RIMS1: variants seen among roughly 807,000 people sequenced by gnomAD.
The protein encoded by RIMS1 is regulating synaptic membrane exocytosis protein 1.
In RIMS1, 83 loss-of-function variants were observed where a neutral mutation model predicts 214.1. That is an observed-to-expected ratio of 0.39 (90% CI 0.32 to 0.47). RIMS1 has a LOEUF of 0.47. Ranked by LOEUF, RIMS1 falls within the 20% of genes least tolerant of loss-of-function variation. The pLI, the probability that RIMS1 is intolerant of heterozygous loss-of-function variation, is 0.99. For synonymous variants in RIMS1, 793 were observed against 786.8 expected (o/e 1.01, Z -0.13); for missense variants, 2,050 against 2,161.8 (o/e 0.95, Z 1.03).
At chr6:72,113,628 T>A (rs896108360) in intron 4 of RIMS1, among the ~76,000 whole-genome samples, 1 of 151,922 alleles carries the variant, frequency 6.6e-6, no homozygotes, top group African/African-American at 2.4e-5. Context: ...TAAAAATCAC[T>A]TTTTTAGTAA....
chr6:71,979,704 A>G (rs956118002), intron 2 of RIMS1, among the ~76,000 whole-genome samples: 4 of 152,112 alleles, frequency 2.6e-5, no homozygotes, highest in Admixed American at 2.0e-4. Flanking sequence ...GTAAAAATGC[A>G]TAGAATCACT....
At chr6:72,056,187 C>T (rs1285693162) in intron 2 of RIMS1, among the ~76,000 whole-genome samples, 1 of 152,058 alleles carries the variant, frequency 6.6e-6, no homozygotes, top group Non-Finnish European at 1.5e-5. Context: ...CATATTTTCT[C>T]CCTTACAAGT....
intron 2 of RIMS1, among the ~76,000 whole-genome samples, chr6:71,980,842 T>G (rs1006949292): frequency 2.6e-5 from 4 of 152,048 alleles, no homozygotes; most frequent in Non-Finnish European, 5.9e-5. Flanking sequence ...GATGTAGTTA[T>G]GAAAGGGACA....
In RIMS1 at chr6:72,096,945, C is replaced by T. The variant is rs1174463082; in HGVS notation, c.246-4C>T. 6.2e-7 allele frequency: 1 copy of T among 1,611,096 alleles called. No individual in the cohort carries two copies. Among genetic ancestry groups the T allele is most frequent in the Non-Finnish European group, 8.5e-7 (1 of 1,178,144 alleles). On this transcript the variant is annotated splice_polypyrimidine_tract_variant and splice_region_variant and intron_variant, in intron 2 of 33. Transcript: ENST00000521978. The stretch of plus-strand genomic sequence containing the variant: ...AGTTTGCTACCATTTTCTCTTTTGC[C>T]TAGGAGATTGCATCAACAGTTTGAA...
At chr6:72,044,206 C>G (rs1459543552) in intron 2 of RIMS1, among the ~76,000 whole-genome samples, 1 of 151,536 alleles carries the variant, frequency 6.6e-6, no homozygotes, top group Admixed American at 6.6e-5. Context: ...AAAATTAGAC[C>G]TTTACCTCAC....
intron 4 of RIMS1, among the ~76,000 whole-genome samples, chr6:72,120,908 G>A (rs1430810198): frequency 6.6e-6 from 1 of 151,832 alleles, no homozygotes; most frequent in Admixed American, 6.6e-5. Context: ...ATTAAATAGG[G>A]AATCGTTTCC....
rs2048175274 is a variant in RIMS1 at position 72,179,700 on chromosome 6, T to G, written c.597T>G (p.Gly199=). The G allele has an allele frequency of 8.7e-6, 14 of 1,613,800 alleles. No individual in the cohort carries two copies. The highest frequency in any genetic ancestry group is 1.1e-5 in the Non-Finnish European group (13 of 1,179,876). ...QDGTLSDTAT[G]AGSEVPREKK... is the part of the protein sequence containing the mutation. ...GAACCCTGAGTGATACAGCTACAGGTGCTGGCTCTGAGGTACCAAGAGAAA... is the reference window on the plus strand; with the variant it reads ...GAACCCTGAGTGATACAGCTACAGGGGCTGGCTCTGAGGTACCAAGAGAAA... The change falls in exon 5 of 34, where the codon GGT becomes GGG. Residue 199 remains glycine (G), a synonymous_variant. Transcript: ENST00000521978.
At chr6:72,214,778 A>G (rs990080834) in intron 6 of RIMS1, among the ~76,000 whole-genome samples, 1 of 151,674 alleles carries the variant, frequency 6.6e-6, no homozygotes, top group Non-Finnish European at 1.5e-5. Flanking sequence ...CTGGCGTGCA[A>G]TGGTGCGATC....
chr6:72,352,814 C>T (rs1431607503), intron 29 of RIMS1, among the ~76,000 whole-genome samples: 1 of 151,992 alleles, frequency 6.6e-6, no homozygotes, highest in East Asian at 1.9e-4. Context: ...ATGGCCAAGC[C>T]TAGATGCTGG....
chr6:72,038,103 AAAAAAAAAAAAAAAAATATAT>A (rs1420783189), intron 2 of RIMS1, among the ~76,000 whole-genome samples: 7 of 80,072 alleles, frequency 8.7e-5, no homozygotes, highest in African/African-American at 4.2e-4. Context: ...AAAAAAAAAA[AAAAAAAAAAAAAAAAATATAT>A]ATATATATAT....
chr6:72,191,705 C>T lies in RIMS1; in HGVS notation c.1678+8556C>T, dbSNP rs182726990. On this transcript the variant is annotated intron_variant, in intron 6 of 33. Coordinates refer to ENST00000521978, the MANE Select transcript of RIMS1 (RefSeq NM_014989.7). Reference sequence around the variant, plus strand: ...ATTTGCCAAATCAGTGGCCGCATACCAAGTACCAGGAGATGTGTTAATTTG... The same window carrying T: ...ATTTGCCAAATCAGTGGCCGCATACTAAGTACCAGGAGATGTGTTAATTTG... Among the ~76,000 whole-genome samples, 377 of 152,328 alleles carry T rather than the reference C, an allele frequency of 2.5e-3. 1 individual carries two copies. The highest frequency in any genetic ancestry group is 0.02 in the Middle Eastern group (6 of 294).
intron 29 of RIMS1, among the ~76,000 whole-genome samples, chr6:72,377,485 G>C (rs1013008945): frequency 1.3e-5 from 2 of 152,036 alleles, no homozygotes; most frequent in African/African-American, 4.8e-5. Context: ...GCCCCCTCTT[G>C]GTCTATGGGA....
At chr6:71,925,703 T>G (rs542493268) in intron 1 of RIMS1, among the ~76,000 whole-genome samples, 1 of 152,340 alleles carries the variant, frequency 6.6e-6, no homozygotes, top group African/African-American at 2.4e-5. Flanking sequence ...GCTGTTTAAG[T>G]TAGTGACTGG....
Position 72,114,710 on chromosome 6 carries a change from T to C in RIMS1, c.471+14724T>C, listed in dbSNP as rs192780945. On this transcript the variant is annotated intron_variant, in intron 4 of 33. Coordinates refer to ENST00000521978, the MANE Select transcript of RIMS1 (RefSeq NM_014989.7). ...ATGGTACTTCTCTGTACCTTTTTTT[T>C]CCTTAATTATGTTGTTTTGAAACTC... Among the ~76,000 whole-genome samples, 110 of 152,006 alleles carry C rather than the reference T, an allele frequency of 7.2e-4. No homozygotes were observed. In the South Asian group the frequency reaches 0.013, roughly 19 times the overall value.
intron 24 of RIMS1, among the ~76,000 whole-genome samples, chr6:72,285,960 G>C (rs2092157384): frequency 1.3e-5 from 2 of 152,062 alleles, no homozygotes; most frequent in African/African-American, 4.8e-5. Flanking sequence ...CACTTTGGGA[G>C]GCCAAGGCGG....
At chr6:72,140,370 G>A in intron 4 of RIMS1, among the ~76,000 whole-genome samples, 1 of 152,066 alleles carries the variant, frequency 6.6e-6, no homozygotes, top group East Asian at 1.9e-4. Flanking sequence ...AGAGGCTACA[G>A]TCTGTAAGGA....
intron 23 of RIMS1, among the ~76,000 whole-genome samples, chr6:72,281,787 T>C (rs1352595991): frequency 6.6e-6 from 1 of 152,108 alleles, no homozygotes; most frequent in Non-Finnish European, 1.5e-5. Context: ...CTACTTAAAA[T>C]TGCAATATGC....
At chr6:72,015,026 C>A (rs982133978) in intron 2 of RIMS1, among the ~76,000 whole-genome samples, 2 of 152,118 alleles carry the variant, frequency 1.3e-5, no homozygotes, top group Admixed American at 6.5e-5. Flanking sequence ...TGCTTGGGAC[C>A]AGAAGGGTTT....
intron 29 of RIMS1, among the ~76,000 whole-genome samples, chr6:72,341,686 A>G (rs1328149739): frequency 6.6e-6 from 1 of 151,806 alleles, no homozygotes; most frequent in Non-Finnish European, 1.5e-5. Flanking sequence ...AAGTGAAAAA[A>G]CATAAAGTAA....
Sources: allele counts gnomAD v4.1 joint callset (sites outside exome capture counted in the v4.1 genomes callset), GRCh38; gene constraint gnomAD v4.1.1; transcripts MANE v1.5; gene names NCBI Gene and HGNC (gene_info 2026-07-23, HGNC 2026-07-21).